The following TFEC variants were observed in gnomAD, a reference collection of about 807,000 sequenced individuals.
TFEC encodes class E basic helix-loop-helix protein 34.
In TFEC, 31 loss-of-function variants were observed where a neutral mutation model predicts 41.6. That is an observed-to-expected ratio of 0.74 (90% CI 0.56 to 1.01). TFEC has a LOEUF of 1.01. Ranked by LOEUF, TFEC falls within the 50% of genes least tolerant of loss-of-function variation. TFEC has a pLI of 0.00. For missense variants in TFEC, 402 were observed against 404.1 expected (o/e 0.99, Z 0.04); for synonymous variants, 143 against 140.6 (o/e 1.02, Z -0.12).
intron 3 of TFEC, among the ~76,000 whole-genome samples, chr7:116,065,298 A>T (rs1796668751): frequency 2.0e-5 from 3 of 152,148 alleles, no homozygotes; most frequent in Admixed American, 2.0e-4. Context: ...AAATCCCAAG[A>T]CTACAAGACA....
intron 6 of TFEC, among the ~76,000 whole-genome samples, chr7:115,949,650 G>A (rs75338923): frequency 6.6e-6 from 1 of 151,512 alleles, no homozygotes; most frequent in Non-Finnish European, 1.5e-5. Context: ...TAGCCATATG[G>A]AGAAAGCTGA....
chr7:115,956,204 T>G (rs2130419392), intron 4 of TFEC, among the ~76,000 whole-genome samples: 1 of 151,990 alleles, frequency 6.6e-6, no homozygotes, highest in East Asian at 1.9e-4. Flanking sequence ...ATTAAGAAAA[T>G]TAAATGTGAG....
chr7:115,953,180 G>A (rs1001040119), intron 5 of TFEC, among the ~76,000 whole-genome samples: 1 of 151,990 alleles, frequency 6.6e-6, no homozygotes, highest in Non-Finnish European at 1.5e-5. Flanking sequence ...AGAACAGTGG[G>A]GGGCTGCAAG....
At chr7:116,097,931 A>C (rs1453858565) in intron 3 of TFEC, among the ~76,000 whole-genome samples, 1 of 152,220 alleles carries the variant, frequency 6.6e-6, no homozygotes, top group Admixed American at 6.5e-5. Flanking sequence ...GGGAAATCAA[A>C]GAATGAGAAA....
chr7:116,155,989 A>G (rs949797705), intron 1 of TFEC, among the ~76,000 whole-genome samples: 6 of 152,102 alleles, frequency 3.9e-5, no homozygotes, highest in African/African-American at 1.2e-4. Context: ...TTGCATTAAT[A>G]TATTATTTAT....
intron 3 of TFEC, among the ~76,000 whole-genome samples, chr7:115,959,855 C>T (rs1182155584): frequency 6.6e-6 from 1 of 151,290 alleles, no homozygotes; most frequent in Non-Finnish European, 1.5e-5. Context: ...CTAAACAATA[C>T]AGGGAATAGA....
intron 2 of TFEC, among the ~76,000 whole-genome samples, chr7:115,978,501 C>T (rs1156848040): frequency 3.3e-5 from 5 of 152,110 alleles, no homozygotes; most frequent in African/African-American, 1.2e-4. Flanking sequence ...TGAACACTGG[C>T]AGATCACCTG....
At chr7:116,054,176 G>A (rs1213022157) in intron 3 of TFEC, among the ~76,000 whole-genome samples, 1 of 152,160 alleles carries the variant, frequency 6.6e-6, no homozygotes, top group African/African-American at 2.4e-5. Context: ...TAGGAGGAAG[G>A]TAATGAAATG....
chr7:116,090,754 G>C (rs746566689), intron 3 of TFEC, among the ~76,000 whole-genome samples: 6 of 151,978 alleles, frequency 3.9e-5, no homozygotes, highest in Non-Finnish European at 7.4e-5. Flanking sequence ...TACTTTGCAC[G>C]TGCTCAAAAA....
chr7:115,980,672 C>T (rs1016758929), intron 2 of TFEC, among the ~76,000 whole-genome samples: 3 of 152,078 alleles, frequency 2.0e-5, no homozygotes, highest in African/African-American at 7.2e-5. Context: ...ATCTCTTGAA[C>T]CCAGGTGGTG....
chr7:115,976,905 G>GC (rs1168082458), intron 2 of TFEC, among the ~76,000 whole-genome samples: 1 of 152,092 alleles, frequency 6.6e-6, no homozygotes, highest in Non-Finnish European at 1.5e-5. Flanking sequence ...TGACTATAAA[G>GC]CATGCTTAGG....
At chr7:116,010,522 C>T (rs1202570401) in intron 1 of TFEC, among the ~76,000 whole-genome samples, 2 of 152,056 alleles carry the variant, frequency 1.3e-5, no homozygotes, top group African/African-American at 4.8e-5. Flanking sequence ...ATTTTTGAAG[C>T]CTTGAAGATG....
chr7:116,132,522 C>T (rs1798353161), intron 1 of TFEC, among the ~76,000 whole-genome samples: 1 of 152,138 alleles, frequency 6.6e-6, no homozygotes, highest in Non-Finnish European at 1.5e-5. Context: ...CAAAGGCAAT[C>T]CTAAGTAAAG....
intron 3 of TFEC, among the ~76,000 whole-genome samples, chr7:116,072,317 A>T (rs2131026729): frequency 6.6e-6 from 1 of 151,716 alleles, no homozygotes; most frequent in Non-Finnish European, 1.5e-5. Flanking sequence ...TAGTAAATAC[A>T]TTCCTTTTGC....
At chr7:115,981,619 G>C (rs369496464) in intron 2 of TFEC, among the ~76,000 whole-genome samples, 3 of 152,112 alleles carry the variant, frequency 2.0e-5, no homozygotes, top group African/African-American at 4.8e-5. Flanking sequence ...AAGAAAAAAG[G>C]CATAATTAAA....
intron 5 of TFEC, 32 bp downstream of exon 5, chr7:115,954,554 C>T: frequency 1.9e-6 from 3 of 1,582,134 alleles, no homozygotes; most frequent in Non-Finnish European, 2.6e-6. Flanking sequence ...TTTCCTTTTG[C>T]ATTAATTTTA....
intron 5 of TFEC, among the ~76,000 whole-genome samples, chr7:115,952,933 C>T (rs1792023465): frequency 6.6e-6 from 1 of 152,068 alleles, no homozygotes; most frequent in South Asian, 2.1e-4. Context: ...GGGTTATCGG[C>T]ACAAGCAATT....
rs1467071123 is a variant in TFEC at position 116,119,491 on chromosome 7, T to A, written c.-68-7453A>T. Among the ~76,000 whole-genome samples, 3 of 151,910 alleles carry A rather than the reference T, an allele frequency of 2.0e-5. 1 individual carries two copies. The highest frequency in any genetic ancestry group is 6.9e-3 in the Middle Eastern group (2 of 290). ...GAGAGCTTAAACACAATAAATTTAA[T>A]GAATTAACCAAATCATACGTACAAT... On this transcript the variant is annotated intron_variant, in intron 1 of 8. Coordinates refer to the TFEC transcript ENST00000484212.
chr7:116,106,105 G>C (rs766404510), intron 3 of TFEC, among the ~76,000 whole-genome samples: 1 of 151,864 alleles, frequency 6.6e-6, no homozygotes, highest in Admixed American at 6.6e-5. Context: ...TTCAACACAG[G>C]GCTGACATAT....
Sources: allele counts gnomAD v4.1 joint callset (sites outside exome capture counted in the v4.1 genomes callset), GRCh38; gene constraint gnomAD v4.1.1; transcripts MANE v1.5; gene names NCBI Gene and HGNC (gene_info 2026-07-23, HGNC 2026-07-21).